SLC12A8: variants seen among roughly 807,000 people sequenced by gnomAD.
SLC12A8 encodes cation-chloride cotransporter 9.
In SLC12A8, 69 loss-of-function variants were observed where a neutral mutation model predicts 75.6. That is an observed-to-expected ratio of 0.91 (90% CI 0.75 to 1.11). SLC12A8 has a LOEUF of 1.11. SLC12A8 is among the 50% of genes most tolerant of loss of function. The pLI, the probability that SLC12A8 is intolerant of heterozygous loss-of-function variation, is 0.00. For synonymous variants in SLC12A8, 365 were observed against 372.8 expected (o/e 0.98, Z 0.24); for missense variants, 877 against 896.7 (o/e 0.98, Z 0.28).
chr3:125,190,597 G>T (rs1408169772), intron 2 of SLC12A8, 76 bp from the exon 3 acceptor site: 15 of 1,544,702 alleles, frequency 9.7e-6, no homozygotes, highest in Non-Finnish European at 1.2e-5. Flanking sequence ...GGAACAGGAG[G>T]AGGGAGGTAG....
At chr3:125,125,453 G>A (rs1439571495) in intron 6 of SLC12A8, among the ~76,000 whole-genome samples, 1 of 152,146 alleles carries the variant, frequency 6.6e-6, no homozygotes. Flanking sequence ...CAGCTACTTG[G>A]GAGGCTGAGG....
intron 9 of SLC12A8, 64 bp from the exon 10 acceptor site, chr3:125,108,190 G>A (rs1939089829): frequency 6.7e-7 from 1 of 1,495,224 alleles, no homozygotes; most frequent in Non-Finnish European, 9.0e-7. Flanking sequence ...AGAGATTTCA[G>A]AAGTTACAGG....
intron 5 of SLC12A8, among the ~76,000 whole-genome samples, chr3:125,168,660 A>G (rs1934343604): frequency 6.6e-6 from 1 of 152,222 alleles, no homozygotes; most frequent in Non-Finnish European, 1.5e-5. Context: ...TCAAATTAGC[A>G]TAGGTGGTCA....
At chr3:125,155,496 G>A (rs1934026558) in intron 5 of SLC12A8, among the ~76,000 whole-genome samples, 1 of 152,018 alleles carries the variant, frequency 6.6e-6, no homozygotes, top group Non-Finnish European at 1.5e-5. Context: ...TTTGAGCCGG[G>A]CGCGGTGGCT....
At chr3:125,106,847 A>G (rs897392627) in intron 10 of SLC12A8, among the ~76,000 whole-genome samples, 1 of 152,212 alleles carries the variant, frequency 6.6e-6, no homozygotes, top group Non-Finnish European at 1.5e-5. Flanking sequence ...TCATGTGGAC[A>G]CAAGGTCTTA....
intron 10 of SLC12A8, among the ~76,000 whole-genome samples, chr3:125,099,910 A>C (rs1938822996): frequency 6.6e-6 from 1 of 152,216 alleles, no homozygotes; most frequent in Non-Finnish European, 1.5e-5. Flanking sequence ...CCTGGGCAAC[A>C]AGAGCGAAAC....
At position 125,107,517 on chromosome 3, in the gene SLC12A8, G is replaced by C. The variant is rs1275614186; in HGVS notation, c.1669C>G (p.Pro557Ala). The C allele has an allele frequency of 1.9e-6, 3 of 1,613,468 alleles. No homozygotes were observed. The highest frequency in any genetic ancestry group is 2.5e-6 in the Non-Finnish European group (3 of 1,179,548). The change falls in exon 10 of 14, where the codon CCT (proline) becomes GCT (alanine). Residue 557 changes from proline (P) to alanine (A), a missense_variant. Pro to Ala is a conservative substitution (Grantham distance 27). Coordinates refer to ENST00000469902, the MANE Select transcript of SLC12A8 (RefSeq NM_024628.6). ...PEGTYGEQLV[P>A]ELCNQSESSG... is the part of the protein sequence containing the mutation. ...GACTCTGATTGGTTGCACAGCTCAG[G>C]AACAAGTTGCTCTCCATATGTTCCC...
rs768994295 is a variant in SLC12A8, at chr3:125,108,033, G to A, written c.1153C>T (p.Pro385Ser). The A allele has an allele frequency of 3.7e-6, 6 of 1,614,018 alleles. No individual in the cohort carries two copies. The Admixed American group carries it at 1.0e-4, about 27-fold the overall frequency. ...AGCATGAAGTTGATGGTGACGATGG[G>A]GGCCAGAACGTTCACTTGACCCACA... ...VFVGQVNVLA[P>S]IVTINFMLTY... Residue 385 changes from proline to serine, a missense_variant, in exon 10 of 14, where the codon CCC (proline) becomes TCC (serine). Coordinates refer to ENST00000469902, the MANE Select transcript of SLC12A8 (RefSeq NM_024628.6).
intron 10 of SLC12A8, among the ~76,000 whole-genome samples, chr3:125,100,150 T>C (rs903534618): frequency 1.3e-5 from 2 of 152,042 alleles, no homozygotes; most frequent in Non-Finnish European, 2.9e-5. Flanking sequence ...AGAGGCCTAA[T>C]GGGATAATGT....
In SLC12A8 at chr3:125,193,885, C is replaced by T. The variant is rs540577391; in HGVS notation, c.52-3364G>A. Among the ~76,000 whole-genome samples, 14 of 152,304 alleles carry T rather than the reference C, an allele frequency of 9.2e-5. No individual in the cohort carries two copies. In the South Asian group the frequency reaches 1.0e-3, roughly 11 times the overall value. On this transcript the variant is annotated intron_variant, in intron 2 of 13. Transcript: ENST00000469902. ...GCCAGTTCCAGGCTCTCTTGTTAAA[C>T]ACCAGGAGAGAGGTCTGGTCCCAAC... is the stretch of plus-strand genomic sequence containing the variant.
At chr3:125,136,330 C>T (rs1477190157) in intron 5 of SLC12A8, among the ~76,000 whole-genome samples, 1 of 152,204 alleles carries the variant, frequency 6.6e-6, no homozygotes, top group Non-Finnish European at 1.5e-5. Context: ...CTTCGTTAGG[C>T]AGTCTCCTGG....
chr3:125,178,491 G>C (rs2107788898), intron 4 of SLC12A8, among the ~76,000 whole-genome samples: 1 of 152,172 alleles, frequency 6.6e-6, no homozygotes, highest in East Asian at 1.9e-4. Context: ...TGTGGCAAAG[G>C]CTACCCAAGG....
intron 5 of SLC12A8, among the ~76,000 whole-genome samples, chr3:125,174,262 A>T (rs561829020): frequency 6.6e-6 from 1 of 152,370 alleles, no homozygotes; most frequent in Admixed American, 6.5e-5. Flanking sequence ...AGAATCGCAA[A>T]TTAAAACAAT....
At chr3:125,129,294 G>A (rs1933295542) in intron 6 of SLC12A8, among the ~76,000 whole-genome samples, 1 of 152,222 alleles carries the variant, frequency 6.6e-6, no homozygotes, top group South Asian at 2.1e-4. Context: ...TGGTATGTGT[G>A]AAACCCTGGA....
chr3:125,126,258 C>T (rs561739111), intron 6 of SLC12A8, among the ~76,000 whole-genome samples: 116 of 152,324 alleles, frequency 7.6e-4, no homozygotes, highest in African/African-American at 2.6e-3. Context: ...GGCTACACCT[C>T]GAGTGGCATC....
chr3:125,187,700 G>A (rs779545587), intron 3 of SLC12A8, among the ~76,000 whole-genome samples: 16 of 152,096 alleles, frequency 1.1e-4, no homozygotes, highest in South Asian at 1.0e-3. Flanking sequence ...ATGCCCTCAC[G>A]AGGTGCCTCC....
chr3:125,202,340 G>T (rs1935137602), intron 2 of SLC12A8, among the ~76,000 whole-genome samples: 1 of 152,198 alleles, frequency 6.6e-6, no homozygotes, highest in Admixed American at 6.5e-5. Context: ...GAATGAAAAG[G>T]TAAGCTAAAA....
At chr3:125,178,872 G>A (rs114231760) in intron 4 of SLC12A8, among the ~76,000 whole-genome samples, 1,851 of 152,148 alleles carry the variant, frequency 0.012, 45 homozygotes, top group African/African-American at 0.041. Flanking sequence ...CTTCCTATGA[G>A]TATTTGTTAT....
At chr3:125,127,018 A>G (rs1043274249) in intron 6 of SLC12A8, among the ~76,000 whole-genome samples, 4 of 152,198 alleles carry the variant, frequency 2.6e-5, no homozygotes, top group Admixed American at 2.0e-4. Context: ...AAGTTGGAAC[A>G]GATATTCATA....
Sources: gnomAD v4.1 joint callset for allele counts (sites outside exome capture counted in the v4.1 genomes callset) on GRCh38, gnomAD v4.1.1 for gene constraint, MANE v1.5 for transcripts, NCBI Gene and HGNC (gene_info 2026-07-23, HGNC 2026-07-21) for gene names.